SCUBE2: variants seen among roughly 807,000 people sequenced by gnomAD.
The protein encoded by SCUBE2 is signal peptide, CUB and EGF-like domain-containing protein 2.
A neutral mutation model predicts 125.9 loss-of-function variants in SCUBE2; 114 were observed. The ratio of observed to expected loss-of-function variants is 0.91; its 90% CI spans 0.78 to 1.06. SCUBE2 has a LOEUF of 1.06. Ranked by LOEUF, SCUBE2 falls within the 50% of genes least tolerant of loss-of-function variation. SCUBE2 has a pLI of 0.00. For synonymous variants in SCUBE2, 459 were observed against 492.9 expected, an observed-to-expected ratio of 0.93 and a Z score of 0.91; for missense variants, 1,255 against 1,301.8, an observed-to-expected ratio of 0.96 and a Z score of 0.55.
At chr11:9,036,000 C>T (rs1394073837) in intron 16 of SCUBE2, among the ~76,000 whole-genome samples, 2 of 152,120 alleles carry the variant, frequency 1.3e-5, no homozygotes, top group Non-Finnish European at 2.9e-5. Flanking sequence ...GCGATTCTCC[C>T]ACCCCAGCTT....
chr11:9,066,837 A>T, intron 5 of SCUBE2, 24 bp from the exon 6 acceptor site: 1 of 1,558,676 alleles, frequency 6.4e-7, no homozygotes. Flanking sequence ...GAATCAATAC[A>T]TAAAGCACTG....
intron 8 of SCUBE2, chr11:9,059,689 A>T (rs2135575428): frequency 2.2e-6 from 1 of 460,564 alleles, no homozygotes; most frequent in East Asian, 3.5e-5. Flanking sequence ...AAACTCTGGG[A>T]AAGAATGATG....
rs202113582 is a variant in SCUBE2, at chr11:9,029,925, G to A, written c.2462C>T (p.Thr821Met). Residue 821 changes from threonine (T) to methionine (M), a missense_variant, in exon 19 of 23, where the codon ACG becomes ATG. By Grantham distance (81) the Thr-to-Met change is moderately conservative. This residue lies in a region of SCUBE2 where 515 missense variants were observed against 515.7 expected (regional missense o/e 1.00). Coordinates refer to ENST00000649792, the MANE Select transcript of SCUBE2 (RefSeq NM_001367977.2). ...GTTTGTGGAGCCATCAAAGTCAGTC[G>A]TAGTATTTCCTGGGCAAGAAACACA... is the stretch of plus-strand genomic sequence containing the variant. ...NNCVSCPGNT[T>M]TDFDGSTNIT... The A allele has an allele frequency of 5.8e-5, 93 of 1,614,080 alleles. No individual in the cohort carries two copies. Among genetic ancestry groups the A allele is most frequent in the Admixed American group, 6.7e-5 (4 of 60,004 alleles).
intron 6 of SCUBE2, among the ~76,000 whole-genome samples, chr11:9,066,377 G>A (rs1860233571): frequency 1.3e-5 from 2 of 152,184 alleles, no homozygotes; most frequent in Admixed American, 1.3e-4. Context: ...CTGGCCAGAA[G>A]TGCCGCATCA....
At chr11:9,089,452 C>T (rs932075388) in intron 2 of SCUBE2, among the ~76,000 whole-genome samples, 4 of 152,214 alleles carry the variant, frequency 2.6e-5, no homozygotes, top group African/African-American at 9.7e-5. Context: ...GATACTAACA[C>T]ATCTCTTTTC....
In SCUBE2 at chr11:9,038,280, G is replaced by C. The variant is rs921027282; in HGVS notation, c.2003-4484C>G. 8.5e-5 allele frequency among the ~76,000 whole-genome samples: 13 copies of C among 152,282 alleles called. No individual in the cohort carries two copies. In the South Asian group the frequency reaches 1.7e-3, roughly 19 times the overall value. On this transcript the variant is annotated intron_variant, in intron 16 of 22. Coordinates refer to ENST00000649792, the MANE Select transcript of SCUBE2 (RefSeq NM_001367977.2). ...ATTACAAAGAGGGGGTAGGGATGGAGTTTGTATATATGCTATTTTAGAACT... is the reference window on the plus strand; with the variant it reads ...ATTACAAAGAGGGGGTAGGGATGGACTTTGTATATATGCTATTTTAGAACT...
At chr11:9,068,032 G>C (rs1487361338) in intron 5 of SCUBE2, among the ~76,000 whole-genome samples, 1 of 152,126 alleles carries the variant, frequency 6.6e-6, no homozygotes, top group East Asian at 1.9e-4. Flanking sequence ...TGACTTCGAG[G>C]GGCCCTAAGA....
Position 9,027,449 on chromosome 11 carries a change from G to C in SCUBE2, c.2616C>G (p.Pro872=), listed in dbSNP as rs374515295. ...TECTWTINPP[P]KRRILIVVPE... Reference sequence around the variant, plus strand: ...GGACCACGATCAGGATGCGGCGCTTGGGGGGTGGGTTGATGGTCCACGTAC... The same window carrying C: ...GGACCACGATCAGGATGCGGCGCTTCGGGGGTGGGTTGATGGTCCACGTAC... Residue 872 remains proline, a synonymous_variant, in exon 20 of 23, where the codon CCC becomes CCG. Transcript: ENST00000649792. 4.3e-6 allele frequency: 7 copies of C among 1,613,894 alleles called. No homozygotes were observed. The highest frequency in any genetic ancestry group is 5.9e-6 in the Non-Finnish European group (7 of 1,179,964).
At chr11:9,033,891 C>G (rs181624537) in intron 16 of SCUBE2, 95 bp from the exon 17 acceptor site, 1 of 1,215,648 alleles carries the variant, frequency 8.2e-7, no homozygotes, top group Non-Finnish European at 1.2e-6. Context: ...ATGGCACTGA[C>G]CACACCACCC....
intron 10 of SCUBE2, 125 bp from the exon 11 acceptor site, chr11:9,053,884 TG>T: frequency 8.3e-7 from 1 of 1,209,020 alleles, no homozygotes; most frequent in Non-Finnish European, 1.2e-6. Context: ...AGGAAGACAC[TG>T]AATGCCTTTA....
At chr11:9,045,333 C>G (rs556993076) in intron 16 of SCUBE2, among the ~76,000 whole-genome samples, 2 of 152,162 alleles carry the variant, frequency 1.3e-5, no homozygotes, top group East Asian at 3.9e-4. Context: ...ATTTCTGTGC[C>G]ATTTGAAACA....
At chr11:9,067,359 A>G (rs1213374399) in intron 5 of SCUBE2, among the ~76,000 whole-genome samples, 2 of 152,256 alleles carry the variant, frequency 1.3e-5, no homozygotes, top group Admixed American at 6.5e-5. Context: ...ATATGAATGT[A>G]TTGATGATAG....
chr11:9,056,738 C>T (rs78092554), intron 9 of SCUBE2, among the ~76,000 whole-genome samples: 3,463 of 152,284 alleles, frequency 0.023, 140 homozygotes, highest in African/African-American at 0.078. Flanking sequence ...TTGAGTGCTT[C>T]ACTCCCTGAA....
At chr11:9,031,861 T>C (rs2135156040) in intron 17 of SCUBE2, among the ~76,000 whole-genome samples, 1 of 125,760 alleles carries the variant, frequency 8.0e-6, no homozygotes, top group East Asian at 2.5e-4. Flanking sequence ...GTGGTCTCAT[T>C]TTCCCCCATA....
chr11:9,021,284 G>C (rs908621144), intron 22 of SCUBE2, 87 bp from the exon 23 acceptor site: 1 of 1,141,526 alleles, frequency 8.8e-7, no homozygotes, highest in African/African-American at 1.6e-5. Flanking sequence ...CCCAGTATTA[G>C]GCCGTAGCTT....
At chr11:9,062,716 C>A (rs1418665350) in intron 7 of SCUBE2, among the ~76,000 whole-genome samples, 1 of 151,234 alleles carries the variant, frequency 6.6e-6, no homozygotes, top group Non-Finnish European at 1.5e-5. Flanking sequence ...AGTAAAATGC[C>A]TGAAAAATTA....
At chr11:9,058,720 C>T (rs556417156) in intron 9 of SCUBE2, among the ~76,000 whole-genome samples, 3 of 150,966 alleles carry the variant, frequency 2.0e-5, no homozygotes, top group South Asian at 2.1e-4. Flanking sequence ...CCCAGGAAGG[C>T]GGAGGTTGCA....
At chr11:9,033,438 G>A (rs1217889403) in intron 17 of SCUBE2, among the ~76,000 whole-genome samples, 188 bp downstream of exon 17, 1 of 152,178 alleles carries the variant, frequency 6.6e-6, no homozygotes, top group African/African-American at 2.4e-5. Context: ...GCTCAAATGA[G>A]TATCTGCCCA....
At chr11:9,054,698 A>ACAATATATATATATAT (rs1564822811) in intron 10 of SCUBE2, among the ~76,000 whole-genome samples, 67 of 61,212 alleles carry the variant, frequency 1.1e-3, no homozygotes, top group South Asian at 1.6e-3. Flanking sequence ...GCAAAGCACT[A>ACAATATATATATATAT]GTGTATATAT....
Sources: allele counts gnomAD v4.1 joint callset (sites outside exome capture counted in the v4.1 genomes callset), GRCh38; gene constraint gnomAD v4.1.1; regional missense constraint gnomAD v4.1.1; transcripts MANE v1.5; gene names NCBI Gene and HGNC (gene_info 2026-07-23, HGNC 2026-07-21).